The following DNAAF9 variants were observed in gnomAD, a reference collection of about 807,000 sequenced individuals.
DNAAF9 encodes shulin.
A neutral mutation model predicts 167.0 loss-of-function variants in DNAAF9; 90 were observed. That is an observed-to-expected ratio of 0.54 (90% CI 0.45 to 0.64). DNAAF9 has a LOEUF of 0.64. Ranked by LOEUF, DNAAF9 falls within the 30% of genes least tolerant of loss-of-function variation. The pLI, the probability that DNAAF9 is intolerant of heterozygous loss-of-function variation, is 0.00. For missense variants in DNAAF9, 1,315 were observed against 1,442.2 expected (o/e 0.91, Z 1.43); for synonymous variants, 491 against 508.8 (o/e 0.96, Z 0.47).
Position 3,315,895 on chromosome 20 carries a change from C to A in DNAAF9, c.1540-110G>T. On this transcript the variant is annotated intron_variant, in intron 18 of 36. Coordinates refer to ENST00000252032, the MANE Select transcript of DNAAF9 (RefSeq NM_001009984.3). The surrounding 1 kb of genome is among the most constrained non-coding windows in gnomAD (Gnocchi z 4.1). ...CAGGACACTGGCTGGACAGTCCTTC[C>A]ACCATGTCCATGTCCAGTGCTCTCA... 1.2e-6 allele frequency: 1 copy of A among 853,724 alleles called. No individual in the cohort carries two copies. 52.9% of individuals were successfully genotyped at this position (853,724 alleles called of 1,614,324 possible).
intron 20 of DNAAF9, among the ~76,000 whole-genome samples, chr20:3,306,438 G>A (rs762285218): frequency 4.6e-5 from 7 of 152,268 alleles, no homozygotes; most frequent in Admixed American, 2.0e-4. Flanking sequence ...CAGGTTTCAC[G>A]CAGTATTTAC....
intron 1 of DNAAF9, among the ~76,000 whole-genome samples, chr20:3,395,871 T>C (rs1203842593): frequency 6.6e-6 from 1 of 152,260 alleles, no homozygotes; most frequent in Admixed American, 6.5e-5. Context: ...GGTTTGCCTG[T>C]GTCCCCACCC....
intron 10 of DNAAF9, among the ~76,000 whole-genome samples, chr20:3,336,882 CTTTTT>C (rs34461289): frequency 7.5e-6 from 1 of 133,930 alleles, no homozygotes. Flanking sequence ...TTTCCTTTTT[CTTTTT>C]TTTTTTTTTT....
At chr20:3,271,517 A>G (rs1568569996) in intron 29 of DNAAF9, among the ~76,000 whole-genome samples, 1 of 152,210 alleles carries the variant, frequency 6.6e-6, no homozygotes, top group Non-Finnish European at 1.5e-5. Context: ...CAAGATAATT[A>G]TAATACCCCT....
Position 3,298,040 on chromosome 20 carries a change from A to C in DNAAF9, c.1918T>G (p.Phe640Val). The C allele has an allele frequency of 6.2e-7, 1 of 1,613,088 alleles. No individual in the cohort carries two copies. The highest frequency in any genetic ancestry group is 8.5e-7 in the Non-Finnish European group (1 of 1,179,058). Residue 640 changes from phenylalanine to valine, a missense_variant, in exon 22 of 37, where the codon TTT (phenylalanine) becomes GTT (valine). By Grantham distance (50) the Phe-to-Val change is conservative. Around this residue, in one of 2 missense-constraint regions of DNAAF9, gnomAD observed 981 missense variants for 1,012.5 expected, o/e 0.97. Transcript: ENST00000252032. ...ATGACTGATATTACCTCTGAGTAAA[A>C]TGCTTGGTATATCTTCGATTTGGGG... ...LFPKSKIYQAFYSEVFSLWKQ... is the reference protein window; with the variant it reads ...LFPKSKIYQAVYSEVFSLWKQ...
intron 25 of DNAAF9, among the ~76,000 whole-genome samples, chr20:3,293,446 A>AGG (rs762771127): frequency 2.0e-5 from 3 of 150,908 alleles, no homozygotes; most frequent in Admixed American, 6.6e-5. Context: ...GCACTTTGGG[A>AGG]GGCCGGGGTG....
intron 3 of DNAAF9, among the ~76,000 whole-genome samples, chr20:3,378,738 C>T (rs2083607661): frequency 6.6e-6 from 1 of 152,178 alleles, no homozygotes; most frequent in Non-Finnish European, 1.5e-5. Context: ...AAGGGTAATA[C>T]AGTGTGACAG....
intron 14 of DNAAF9, 75 bp downstream of exon 14, chr20:3,324,817 A>G: frequency 1.3e-6 from 1 of 777,860 alleles, no homozygotes; most frequent in South Asian, 1.6e-5. Flanking sequence ...GATGAAATCT[A>G]AATTATAAGG....
chr20:3,351,092 A>G (rs2070313683), intron 7 of DNAAF9, among the ~76,000 whole-genome samples: 1 of 152,190 alleles, frequency 6.6e-6, no homozygotes, highest in African/African-American at 2.4e-5. Context: ...CTTTTCTCCA[A>G]AAATCAACCC....
intron 3 of DNAAF9, among the ~76,000 whole-genome samples, chr20:3,380,293 A>T (rs2083630747): frequency 6.6e-6 from 1 of 152,240 alleles, no homozygotes; most frequent in Admixed American, 6.5e-5. Flanking sequence ...TTGTAATGGA[A>T]GGAGTAATTT....
chr20:3,268,338 T>C (rs1173012724), intron 30 of DNAAF9, among the ~76,000 whole-genome samples: 9 of 148,284 alleles, frequency 6.1e-5, no homozygotes, highest in African/African-American at 2.0e-4. Flanking sequence ...CCCGGCCCCT[T>C]TTTTTTTTTG....
intron 21 of DNAAF9, 125 bp downstream of exon 21, chr20:3,304,315 G>C: frequency 1.5e-6 from 1 of 683,478 alleles, no homozygotes; most frequent in Non-Finnish European, 2.6e-6. Context: ...CTGCCTCAGT[G>C]GCTGTGCTGG....
chr20:3,362,348 G>T (rs1046469512), intron 6 of DNAAF9: 3 of 643,912 alleles, frequency 4.7e-6, no homozygotes, highest in Admixed American at 5.5e-5. Context: ...CGCTTGAAGC[G>T]GTTTATTAAT....
chr20:3,405,958 C>T (rs760403710), intron 1 of DNAAF9, among the ~76,000 whole-genome samples: 26 of 152,134 alleles, frequency 1.7e-4, no homozygotes, highest in Non-Finnish European at 2.8e-4. Context: ...ATTGGAGATG[C>T]GTTACTATAA....
chr20:3,310,053 A>G (rs1353364322), intron 20 of DNAAF9, among the ~76,000 whole-genome samples: 1 of 151,890 alleles, frequency 6.6e-6, no homozygotes, highest in Non-Finnish European at 1.5e-5. Context: ...TTAGCCGGGC[A>G]TGGTGGTGCA....
intron 21 of DNAAF9, among the ~76,000 whole-genome samples, chr20:3,300,275 G>A (rs1003717931): frequency 1.4e-5 from 2 of 143,446 alleles, no homozygotes; most frequent in Non-Finnish European, 3.1e-5. Context: ...GATCATGTTG[G>A]GCAGTATTGT....
intron 1 of DNAAF9, among the ~76,000 whole-genome samples, chr20:3,401,174 T>C (rs1250579333): frequency 2.4e-4 from 36 of 152,132 alleles, no homozygotes; most frequent in Non-Finnish European, 2.9e-5. Flanking sequence ...ATTAAAGTGC[T>C]TTCTCTAGAG....
At chr20:3,344,304 A>G (rs912708821) in intron 8 of DNAAF9, among the ~76,000 whole-genome samples, 7 of 152,194 alleles carry the variant, frequency 4.6e-5, no homozygotes, top group African/African-American at 1.7e-4. Context: ...CTTAACATGC[A>G]TGCTCTCATG....
At position 3,287,714 on chromosome 20, in the gene DNAAF9, C is replaced by T. The variant is rs1390693403; in HGVS notation, c.2404G>A (p.Ala802Thr). The T allele has an allele frequency of 1.9e-6, 3 of 1,614,078 alleles. No homozygotes were observed. Among genetic ancestry groups the T allele is most frequent in the Non-Finnish European group, 2.5e-6 (3 of 1,180,028 alleles). Residue 802 changes from alanine to threonine, a missense_variant, in exon 27 of 37, where the codon GCC (alanine) becomes ACC (threonine). Coordinates refer to ENST00000252032, the MANE Select transcript of DNAAF9 (RefSeq NM_001009984.3). The part of the protein sequence containing the change: ...AAHFQRYLSS[A>T]LEAQQNRSAR... The stretch of plus-strand genomic sequence containing the variant: ...GAGCGGTTCTGCTGGGCCTCTAGGG[C>T]ACTGGAAAGGTATCTCTGGAAGTGT...
Sources: allele counts gnomAD v4.1 joint callset (sites outside exome capture counted in the v4.1 genomes callset), GRCh38; gene constraint gnomAD v4.1.1; regional missense constraint gnomAD v4.1.1; non-coding constraint Gnocchi (gnomAD v3.1); transcripts MANE v1.5; gene names NCBI Gene and HGNC (gene_info 2026-07-23, HGNC 2026-07-21).